The following KCTD1 variants were observed in gnomAD, a reference collection of about 807,000 sequenced individuals.
The protein encoded by KCTD1 is potassium channel tetramerization domain containing 1.
In KCTD1, 24 loss-of-function variants were observed where a neutral mutation model predicts 66.0. That is an observed-to-expected ratio of 0.36 (90% CI 0.26 to 0.51). KCTD1 has a LOEUF of 0.51. Ranked by LOEUF, KCTD1 falls within the 20% of genes least tolerant of loss-of-function variation. The pLI is 0.95. For synonymous variants in KCTD1, 511 were observed against 517.2 expected, an observed-to-expected ratio of 0.99 and a Z score of 0.16; for missense variants, 943 against 1,205.2, an observed-to-expected ratio of 0.78 and a Z score of 3.22.
intron 1 of KCTD1, among the ~76,000 whole-genome samples, chr18:26,510,005 GA>G (rs1034984416): frequency 2.6e-5 from 4 of 152,118 alleles, no homozygotes; most frequent in African/African-American, 9.7e-5. Flanking sequence ...CATTTAGAAG[GA>G]AAAAATGAAG....
chr18:26,507,122 C>T (rs908462284), intron 1 of KCTD1, among the ~76,000 whole-genome samples: 1 of 152,098 alleles, frequency 6.6e-6, no homozygotes, highest in Non-Finnish European at 1.5e-5. Context: ...GCCAAGATCG[C>T]GCCACTGTAC....
intron 1 of KCTD1, among the ~76,000 whole-genome samples, chr18:26,586,090 T>A (rs187957655): frequency 8.3e-4 from 127 of 152,332 alleles, no homozygotes; most frequent in African/African-American, 2.9e-3. Flanking sequence ...TGTTTTATTG[T>A]ATTTCGCTTT....
At chr18:26,461,398 TCTTGGTTCC>T (rs933318356) in intron 3 of KCTD1, among the ~76,000 whole-genome samples, 1 of 152,018 alleles carries the variant, frequency 6.6e-6, no homozygotes, top group Non-Finnish European at 1.5e-5. Context: ...ACCACAGGAG[TCTTGGTTCC>T]CTGCAGGAAA....
At chr18:26,637,762 C>G (rs965240087) in intron 1 of KCTD1, among the ~76,000 whole-genome samples, 16 of 152,186 alleles carry the variant, frequency 1.1e-4, no homozygotes, top group Non-Finnish European at 1.9e-4. Context: ...GTCCACTGAC[C>G]TGGGCTGGAA....
At chr18:26,643,083 C>T (rs184896956), upstream of KCTD1, among the ~76,000 whole-genome samples, 79 of 152,170 alleles carry the variant, frequency 5.2e-4, no homozygotes, top group Middle Eastern at 3.4e-3. Flanking sequence ...TTATTTCCCA[C>T]GGTTCTGGAG....
intron 1 of KCTD1, among the ~76,000 whole-genome samples, chr18:26,613,118 A>C (rs1987172591): frequency 6.6e-6 from 1 of 152,210 alleles, no homozygotes; most frequent in African/African-American, 2.4e-5. Flanking sequence ...ACAGGAGTGC[A>C]ATACGTATCT....
chr18:26,510,313 T>C (rs1045674205), intron 1 of KCTD1, among the ~76,000 whole-genome samples: 2 of 152,264 alleles, frequency 1.3e-5, no homozygotes, highest in African/African-American at 2.4e-5. Flanking sequence ...ACTTGAGCTG[T>C]ATTACTTTTC....
intron 1 of KCTD1, among the ~76,000 whole-genome samples, chr18:26,527,949 C>A (rs1984252165): frequency 6.6e-6 from 1 of 152,126 alleles, no homozygotes; most frequent in Non-Finnish European, 1.5e-5. Context: ...CTACTCAGGC[C>A]CAACTCAGCC....
At position 26,501,125 on chromosome 18, in the gene KCTD1, G is replaced by A. The variant is rs368729918; in HGVS notation, c.1935C>T (p.Gly645=). ...KSNAPVHIDV[G]GHMYTSSLAT... is the part of the protein sequence containing the mutation. ...CCAGGCTGCTGGTGTACATGTGGCCGCCCACATCAATGTGGACAGGCGCAT... is the reference window on the plus strand; with the variant it reads ...CCAGGCTGCTGGTGTACATGTGGCCACCCACATCAATGTGGACAGGCGCAT... Residue 645 remains glycine (G), a synonymous_variant, in exon 2 of 5, where the codon GGC becomes GGT. Transcript: ENST00000580059. 4.7e-4 allele frequency: 751 copies of A among 1,614,158 alleles called. 11 individuals are homozygous for A. In the South Asian group the frequency reaches 7.6e-3, roughly 16 times the overall value.
intron 2 of KCTD1, among the ~76,000 whole-genome samples, chr18:26,484,965 T>C (rs1981841164): frequency 6.6e-6 from 1 of 152,174 alleles, no homozygotes. Flanking sequence ...TCTCTCAGTA[T>C]TGACCTGAGC....
At chr18:26,519,089 A>G (rs1983797002) in intron 1 of KCTD1, among the ~76,000 whole-genome samples, 1 of 152,232 alleles carries the variant, frequency 6.6e-6, no homozygotes, top group Admixed American at 6.5e-5. Context: ...ATATTCTCAA[A>G]GCTTTTTAAA....
intron 2 of KCTD1, among the ~76,000 whole-genome samples, chr18:26,492,578 G>C (rs1982258590): frequency 6.6e-6 from 1 of 151,552 alleles, no homozygotes. Flanking sequence ...TGCACCGCAG[G>C]CTGAGTGACA....
chr18:26,459,552 G>A, intron 4 of KCTD1, 68 bp downstream of exon 4: 1 of 1,460,108 alleles, frequency 6.8e-7, no homozygotes, highest in Non-Finnish European at 9.2e-7. Context: ...GGCACCATGT[G>A]AGGGCAAGGT....
chr18:26,611,990 C>G (rs74407158), intron 1 of KCTD1, among the ~76,000 whole-genome samples: 2,427 of 152,242 alleles, frequency 0.016, 81 homozygotes, highest in African/African-American at 0.055. Flanking sequence ...TAGTCATCTA[C>G]CCAATGCCCT....
chr18:26,573,673 A>G (rs962613126), intron 1 of KCTD1, among the ~76,000 whole-genome samples: 2 of 152,236 alleles, frequency 1.3e-5, no homozygotes, highest in African/African-American at 2.4e-5. Context: ...AAAGGTGGCC[A>G]ACTCTCAGAA....
chr18:26,548,625 C>CG (rs1985398287), upstream of KCTD1: 1 of 1,164,486 alleles, frequency 8.6e-7, no homozygotes, highest in Non-Finnish European at 1.1e-6. Flanking sequence ...TGACCTTCAG[C>CG]TACCGGGAGG....
At chr18:26,593,095 A>G (rs749731956) in intron 1 of KCTD1, among the ~76,000 whole-genome samples, 5 of 152,154 alleles carry the variant, frequency 3.3e-5, no homozygotes, top group Non-Finnish European at 7.4e-5. Context: ...CTGGGCTTCA[A>G]GGTCAGTCAT....
At chr18:26,554,327 T>C (rs1399131098) in intron 1 of KCTD1, among the ~76,000 whole-genome samples, 2 of 148,308 alleles carry the variant, frequency 1.3e-5, no homozygotes, top group African/African-American at 5.1e-5. Flanking sequence ...CTGTGTATAA[T>C]AGGATTTGGG....
intron 2 of KCTD1, among the ~76,000 whole-genome samples, chr18:26,492,139 G>A (rs982327837): frequency 6.6e-6 from 1 of 152,154 alleles, no homozygotes; most frequent in African/African-American, 2.4e-5. Flanking sequence ...TTACTTGAGA[G>A]GCTAAGATGG....
Sources: allele counts gnomAD v4.1 joint callset (sites outside exome capture counted in the v4.1 genomes callset), GRCh38; gene constraint gnomAD v4.1.1; transcripts MANE v1.5; gene names NCBI Gene and HGNC (gene_info 2026-07-23, HGNC 2026-07-21).